The following TINF2 variants were observed in gnomAD, a reference collection of about 807,000 sequenced individuals.
The protein encoded by TINF2 is TERF1-interacting nuclear factor 2.
In TINF2, 27 loss-of-function variants were observed where a neutral mutation model predicts 50.4. The observed-to-expected ratio is 0.54, with a 90% CI of 0.40 to 0.74. TINF2 has a LOEUF of 0.74. Ranked by LOEUF, TINF2 falls within the 30% of genes least tolerant of loss-of-function variation. The pLI, the probability that TINF2 is intolerant of heterozygous loss-of-function variation, is 0.00. For synonymous variants in TINF2, 223 were observed against 214.6 expected (o/e 1.04, Z -0.34); for missense variants, 496 against 551.5 (o/e 0.90, Z 1.01).
chr14:24,242,084 T>C (rs1443189675), intron 1 of TINF2, 57 bp downstream of exon 1: 1 of 1,614,032 alleles, frequency 6.2e-7, no homozygotes, highest in African/African-American at 1.3e-5. Context: ...CCTTGTCAGG[T>C]GCTCGCATCC....
chr14:24,240,462 G>A lies in TINF2; in HGVS notation c.1018C>T (p.Leu340=). The A allele has an allele frequency of 6.2e-7, 1 of 1,614,152 alleles. No homozygotes were observed. The highest frequency in any genetic ancestry group is 8.5e-7 in the Non-Finnish European group (1 of 1,180,014). ...SPCQTLGGRA[L]KENPVDLPAT... ...GGCAAGTCAACTGGGTTCTCCTTCA[G>A]AGCCCTTCCCCCCAGGGTCTGGCAT... Residue 340 remains leucine, a synonymous_variant, in exon 6 of 9, where the codon CTG becomes TTG. Coordinates refer to ENST00000267415, the MANE Select transcript of TINF2 (RefSeq NM_001099274.3).
At chr14:24,239,960 C>T (rs776322789) in intron 8 of TINF2, 29 bp from the exon 9 acceptor site, 5 of 1,614,080 alleles carry the variant, frequency 3.1e-6, no homozygotes, top group African/African-American at 1.3e-5. Flanking sequence ...GGAGAGCCTA[C>T]TATCCGAAAC....
chr14:24,241,175 T>A, intron 4 of TINF2, 29 bp downstream of exon 4: 1 of 1,614,128 alleles, frequency 6.2e-7, no homozygotes, highest in Non-Finnish European at 8.5e-7. Context: ...CCCCACACTC[T>A]GCCCTTACAT....
intron 8 of TINF2, 38 bp downstream of exon 8, chr14:24,240,026 C>A (rs749457872): frequency 6.2e-7 from 1 of 1,614,158 alleles, no homozygotes; most frequent in Non-Finnish European, 8.5e-7. Flanking sequence ...CTTGTTCTAC[C>A]CATCCCCTTT....
In TINF2 at chr14:24,240,051, C is replaced by G; in HGVS notation, c.1221+13G>C. 6.2e-7 allele frequency: 1 copy of G among 1,614,148 alleles called. No individual in the cohort carries two copies. The highest frequency in any genetic ancestry group is 8.5e-7 in the Non-Finnish European group (1 of 1,180,020). On this transcript the variant is annotated intron_variant, in intron 8 of 8. Transcript: ENST00000267415. Reference sequence around the variant, plus strand: ...CCATCCCCTTTCCCAGCTTTCTGCTCCTTCCCACTCACCTTTCCTTCCCCC... The same window carrying G: ...CCATCCCCTTTCCCAGCTTTCTGCTGCTTCCCACTCACCTTTCCTTCCCCC...
rs2040605259 is a variant in TINF2, at chr14:24,242,578, C to T, written c.-246G>A. ...CTGACCGTCTCCAGTGGCACTGGGT[C>T]GCTCAGCTTTAAACGTCGCCGCTGT... is the stretch of plus-strand genomic sequence containing the variant. On this transcript the variant is annotated 5_prime_UTR_variant, in exon 1 of 9. Transcript: ENST00000267415. The T allele has an allele frequency of 8.7e-6, 12 of 1,375,180 alleles. No homozygotes were observed. The highest frequency in any genetic ancestry group is 5.7e-5 in the East Asian group (2 of 35,304). 85.2% of individuals were successfully genotyped at this position (1,375,180 alleles called of 1,614,324 possible).
At position 24,242,132 on chromosome 14, in the gene TINF2, C is replaced by T. The variant is rs1476829956; in HGVS notation, c.192+9G>A. The T allele has an allele frequency of 6.2e-7, 1 of 1,614,268 alleles. No individual in the cohort carries two copies. Among genetic ancestry groups the T allele is most frequent in the Non-Finnish European group, 8.5e-7 (1 of 1,180,042 alleles). ...TCTTTCCCCTTCCAGGTCCTACTTG[C>T]TCCAATACCTTGGCCTTTAGGCCCA... On this transcript the variant is annotated intron_variant, in intron 1 of 8. Transcript: ENST00000267415.
chr14:24,241,966 C>G lies in TINF2; in HGVS notation c.221G>C (p.Arg74Pro). The G allele has an allele frequency of 6.2e-7, 1 of 1,614,210 alleles. No individual in the cohort carries two copies. The highest frequency in any genetic ancestry group is 2.2e-5 in the East Asian group (1 of 44,874). ...KVVVELILQG[R>P]PWAQVLKALN... ...GGCTTTCAGGACTTGGGCCCAAGGC[C>G]GGCCCTGCAGGATCAGCTCCACCAC... The change falls in exon 2 of 9, where the codon CGG becomes CCG. Residue 74 changes from arginine to proline, a missense_variant. Physicochemically the swap from Arg to Pro is moderately radical, Grantham distance 103. Coordinates refer to ENST00000267415, the MANE Select transcript of TINF2 (RefSeq NM_001099274.3).
chr14:24,240,146 G>A lies in TINF2; in HGVS notation c.1139C>T (p.Pro380Leu), dbSNP rs201422008. The A allele has an allele frequency of 2.9e-5, 47 of 1,613,994 alleles. No homozygotes were observed. The highest frequency in any genetic ancestry group is 2.2e-4 in the Admixed American group (13 of 60,004). ...GGTAATGACGGAGCTGCACAGAGACGGAGGACACACTGTAGGAGGGAAACC... is the reference window on the plus strand; with the variant it reads ...GGTAATGACGGAGCTGCACAGAGACAGAGGACACACTGTAGGAGGGAAACC... ...PPRARKPVCP[P>L]SLCSSVITIG... The change falls in exon 8 of 9, where the codon CCG becomes CTG. Residue 380 changes from proline (P) to leucine (L), a missense_variant. This residue lies in a region of TINF2 where 179 missense variants were observed against 188.3 expected (regional missense o/e 0.95). Transcript: ENST00000267415.
At chr14:24,240,984 C>T (rs370407494) in intron 5 of TINF2, 36 bp downstream of exon 5, 4 of 1,613,968 alleles carry the variant, frequency 2.5e-6, no homozygotes, top group East Asian at 2.2e-5. Context: ...CTCAAAAGGT[C>T]TCAGGCTAAA....
chr14:24,241,722 C>T lies in TINF2; in HGVS notation c.352G>A (p.Val118Met). ...LEAQETFYQQ[V>M]KQLSEAPVDL... is the part of the protein sequence containing the mutation. ...ACAGGAGCCTCTGACAGCTGCTTCA[C>T]CTGCTGGTAAAAAGTTTCCTGTGCC... Residue 118 changes from valine (V) to methionine (M), a missense_variant, in exon 3 of 9, where the codon GTG (valine) becomes ATG (methionine). Physicochemically the swap from Val to Met is conservative, Grantham distance 21. This residue lies in a region of TINF2 where 314 missense variants were observed against 343.8 expected (regional missense o/e 0.91). Coordinates refer to ENST00000267415, the MANE Select transcript of TINF2 (RefSeq NM_001099274.3). The T allele has an allele frequency of 2.5e-6, 4 of 1,613,418 alleles. No homozygotes were observed. The highest frequency in any genetic ancestry group is 3.4e-6 in the Non-Finnish European group (4 of 1,179,702).
In TINF2 at chr14:24,241,231, T is replaced by G; in HGVS notation, c.480A>C (p.Lys160Asn). The G allele has an allele frequency of 6.2e-7, 1 of 1,614,210 alleles. No individual in the cohort carries two copies. Among genetic ancestry groups the G allele is most frequent in the Non-Finnish European group, 8.5e-7 (1 of 1,180,040 alleles). The change falls in exon 4 of 9, where the codon AAA becomes AAC. Residue 160 changes from lysine (K) to asparagine (N), a missense_variant. By Grantham distance (94) the Lys-to-Asn change is moderately conservative (BLOSUM62 0). Transcript: ENST00000267415. ...GCTGTGCCTGCGGTGTAGGCAGTGCTTTCTCCAGCTGACACAAGTACTCAA... is the reference window on the plus strand; with the variant it reads ...GCTGTGCCTGCGGTGTAGGCAGTGCGTTCTCCAGCTGACACAAGTACTCAA... ...LLFEYLCQLE[K>N]ALPTPQAQQL...
Position 24,239,809 on chromosome 14 carries a change from A to T in TINF2, c.1344T>A (p.Ser448=). 6.2e-7 allele frequency: 1 copy of T among 1,614,236 alleles called. No homozygotes were observed. The part of the protein sequence containing the change: ...PVSSCDCRDS[S]RPL ...CATTTTAGTTCTATCACAAAGGTCTAGAACTGTCTCTACAGTCACAGGAAG... is the reference window on the plus strand; with the variant it reads ...CATTTTAGTTCTATCACAAAGGTCTTGAACTGTCTCTACAGTCACAGGAAG... The change falls in exon 9 of 9, where the codon TCT becomes TCA. Residue 448 remains serine, a synonymous_variant. Transcript: ENST00000267415.
intron 8 of TINF2, 38 bp downstream of exon 8, chr14:24,240,026 C>T (rs749457872): frequency 4.2e-5 from 68 of 1,614,040 alleles, no homozygotes; most frequent in Admixed American, 6.7e-5. Context: ...CTTGTTCTAC[C>T]CATCCCCTTT....
chr14:24,240,320 C>A lies in TINF2; in HGVS notation c.1072G>T (p.Asp358Tyr). Residue 358 changes from aspartate to tyrosine, a missense_variant, in exon 7 of 9, where the codon GAT becomes TAT. Asp to Tyr is a radical substitution (Grantham distance 160, BLOSUM62 -3). Coordinates refer to ENST00000267415, the MANE Select transcript of TINF2 (RefSeq NM_001099274.3). ...AGTCTCAGGGGGTCCATGTAGCAAT[C>A]CAAGCAATTCCTGAGGTGAGAGCAA... Reference protein sequence around the residue: ...PATEQKENCLDCYMDPLRLSL... With the variant: ...PATEQKENCLYCYMDPLRLSL... 6.2e-7 allele frequency: 1 copy of A among 1,613,894 alleles called. No homozygotes were observed. Among genetic ancestry groups the A allele is most frequent in the Non-Finnish European group, 8.5e-7 (1 of 1,179,998 alleles).
chr14:24,240,348 A>C lies in TINF2; in HGVS notation c.1062-18T>G. On this transcript the variant is annotated intron_variant, in intron 6 of 8. Transcript: ENST00000267415. The stretch of plus-strand genomic sequence containing the variant: ...AGCAATTCCTGAGGTGAGAGCAAGC[A>C]AAGAGGATAGGATGAAGGGAAGGCA... The C allele has an allele frequency of 6.2e-7, 1 of 1,614,056 alleles. No individual in the cohort carries two copies. The highest frequency in any genetic ancestry group is 8.5e-7 in the Non-Finnish European group (1 of 1,180,004).
Position 24,242,524 on chromosome 14 carries a change from C to T in TINF2, c.-192G>A, listed in dbSNP as rs2040604060. ...AATTCTGGGGGAGGGGGTCTTCTGG[C>T]TCGGGCTGGAGGAGCCTGAGTGGAG... On this transcript the variant is annotated 5_prime_UTR_variant, in exon 1 of 9. Coordinates refer to ENST00000267415, the MANE Select transcript of TINF2 (RefSeq NM_001099274.3). The T allele has an allele frequency of 7.0e-7, 1 of 1,427,130 alleles. No individual in the cohort carries two copies. Among genetic ancestry groups the T allele is most frequent in the South Asian group, 1.5e-5 (1 of 65,952 alleles). 88.4% of individuals were successfully genotyped at this position (1,427,130 alleles called of 1,614,324 possible). A position where few individuals can be genotyped will look rare whatever the true frequency, so the allele number is the denominator to read the frequency against.
At position 24,241,872 on chromosome 14, in the gene TINF2, G is replaced by T. The variant is rs759185643; in HGVS notation, c.297+18C>A. On this transcript the variant is annotated intron_variant, in intron 2 of 8. Coordinates refer to ENST00000267415, the MANE Select transcript of TINF2 (RefSeq NM_001099274.3). Reference sequence around the variant, plus strand: ...CCAAGTGTAACTGGGGTCAGGGCTTGTTCCGGGGATTACTCACAGCCTTGG... The same window carrying T: ...CCAAGTGTAACTGGGGTCAGGGCTTTTTCCGGGGATTACTCACAGCCTTGG... 6 of 1,614,162 alleles carry T rather than the reference G, an allele frequency of 3.7e-6. No individual in the cohort carries two copies. The highest frequency in any genetic ancestry group is 1.6e-4 in the Middle Eastern group (1 of 6,062).
In TINF2 at chr14:24,239,646, T is replaced by C; in HGVS notation, c.*151A>G. The C allele has an allele frequency of 1.9e-6, 3 of 1,540,886 alleles. No individual in the cohort carries two copies. In the South Asian group the frequency reaches 3.6e-5, roughly 18 times the overall value. ...CCTCCTTCACATCAAGGCAGTATTTTAACAAATCCAAAGTTTAATTATTAA... is the reference window on the plus strand; with the variant it reads ...CCTCCTTCACATCAAGGCAGTATTTCAACAAATCCAAAGTTTAATTATTAA... On this transcript the variant is annotated 3_prime_UTR_variant, in exon 9 of 9. Coordinates refer to ENST00000267415, the MANE Select transcript of TINF2 (RefSeq NM_001099274.3).
Sources: gnomAD v4.1 joint callset for allele counts on GRCh38, gnomAD v4.1.1 for gene constraint, gnomAD v4.1.1 regional missense constraint, MANE v1.5 for transcripts, NCBI Gene and HGNC (gene_info 2026-07-23, HGNC 2026-07-21) for gene names.